CNTNAP2: variants seen among roughly 807,000 people sequenced by gnomAD.
CNTNAP2 encodes contactin-associated protein-like 2.
Under a neutral mutation model 155.2 loss-of-function variants are expected in CNTNAP2, and 98 were observed. The observed-to-expected ratio is 0.63, with a 90% CI of 0.54 to 0.75. The LOEUF (loss-of-function observed/expected upper bound fraction) is 0.75. Ranked by LOEUF, CNTNAP2 falls within the 30% of genes least tolerant of loss-of-function variation. The pLI is 0.00. For synonymous variants in CNTNAP2, 651 were observed against 631.2 expected (o/e 1.03, Z -0.47); for missense variants, 1,727 against 1,688.1 (o/e 1.02, Z -0.40).
chr7:147,933,306 A>G (rs1462640154), intron 14 of CNTNAP2, among the ~76,000 whole-genome samples: 1 of 152,172 alleles, frequency 6.6e-6, no homozygotes, highest in Non-Finnish European at 1.5e-5. Flanking sequence ...ATGATTTAAT[A>G]AGTCCACTTC....
At chr7:147,469,827 A>G (rs928040356) in intron 10 of CNTNAP2, among the ~76,000 whole-genome samples, 7 of 152,140 alleles carry the variant, frequency 4.6e-5, no homozygotes, top group East Asian at 1.9e-4. Flanking sequence ...CCAGGCTGCA[A>G]TTTTAAACAG....
chr7:146,362,679 G>T (rs1795098863), intron 1 of CNTNAP2, among the ~76,000 whole-genome samples: 1 of 151,612 alleles, frequency 6.6e-6, no homozygotes, highest in South Asian at 2.1e-4. Flanking sequence ...TCTATTCTAA[G>T]TCTAGTGGAG....
intron 7 of CNTNAP2, among the ~76,000 whole-genome samples, chr7:147,131,843 C>G (rs1176904503): frequency 6.6e-6 from 1 of 151,962 alleles, no homozygotes; most frequent in Non-Finnish European, 1.5e-5. Context: ...ATTGACCACC[C>G]AGAATAGGAC....
intron 1 of CNTNAP2, among the ~76,000 whole-genome samples, chr7:146,365,116 G>A (rs1795136935): frequency 6.6e-6 from 1 of 151,984 alleles, no homozygotes. Flanking sequence ...CAGAATTTTT[G>A]TTTGTTTTCT....
intron 18 of CNTNAP2, among the ~76,000 whole-genome samples, chr7:148,187,879 G>A (rs1795145067): frequency 6.6e-6 from 1 of 152,062 alleles, no homozygotes; most frequent in African/African-American, 2.4e-5. Flanking sequence ...TGCTTGAGCA[G>A]TCCCCTCTTT....
chr7:147,095,065 G>A (rs1235941649), intron 4 of CNTNAP2, among the ~76,000 whole-genome samples: 3 of 152,078 alleles, frequency 2.0e-5, no homozygotes, highest in African/African-American at 4.8e-5. Flanking sequence ...TGTCACCCAG[G>A]CTGGAGTGCA....
intron 9 of CNTNAP2, among the ~76,000 whole-genome samples, chr7:147,358,223 T>C (rs947299884): frequency 6.6e-6 from 1 of 152,170 alleles, no homozygotes; most frequent in African/African-American, 2.4e-5. Flanking sequence ...TACATACTTA[T>C]AAAAACTTTG....
chr7:147,906,844 A>C (rs953952970), intron 14 of CNTNAP2, among the ~76,000 whole-genome samples: 1 of 152,200 alleles, frequency 6.6e-6, no homozygotes, highest in African/African-American at 2.4e-5. Flanking sequence ...ATTAGAAGAC[A>C]TTCCATTCCA....
At chr7:146,963,784 G>A (rs147258521) in intron 3 of CNTNAP2, among the ~76,000 whole-genome samples, 2 of 152,132 alleles carry the variant, frequency 1.3e-5, no homozygotes, top group South Asian at 2.1e-4. Flanking sequence ...AGCAATTAAA[G>A]CATTGCTATC....
At chr7:147,253,613 A>G (rs1390581012) in intron 8 of CNTNAP2, among the ~76,000 whole-genome samples, 1 of 152,168 alleles carries the variant, frequency 6.6e-6, no homozygotes, top group Non-Finnish European at 1.5e-5. Flanking sequence ...GATAACTAGG[A>G]AATACAAAAC....
At chr7:147,299,194 G>A (rs1257854540) in intron 8 of CNTNAP2, among the ~76,000 whole-genome samples, 1 of 146,910 alleles carries the variant, frequency 6.8e-6, no homozygotes, top group African/African-American at 2.5e-5. Flanking sequence ...GGCCCTCTTG[G>A]TTTTCTCTGC....
At chr7:147,621,431 GA>G (rs1351389368) in intron 12 of CNTNAP2, among the ~76,000 whole-genome samples, 1 of 151,936 alleles carries the variant, frequency 6.6e-6, no homozygotes, top group Non-Finnish European at 1.5e-5. Flanking sequence ...AACAATTTTT[GA>G]AGACATAGAC....
At chr7:146,186,425 A>C (rs1798624856) in intron 1 of CNTNAP2, among the ~76,000 whole-genome samples, 1 of 152,322 alleles carries the variant, frequency 6.6e-6, no homozygotes, top group African/African-American at 2.4e-5. Flanking sequence ...ATATATGCTT[A>C]TTCAATTATA....
intron 1 of CNTNAP2, among the ~76,000 whole-genome samples, chr7:146,429,870 G>A (rs1392667813): frequency 6.6e-6 from 1 of 152,090 alleles, no homozygotes; most frequent in Non-Finnish European, 1.5e-5. Flanking sequence ...GTTATAGATG[G>A]CTCTTATTAT....
At chr7:146,622,816 G>T (rs1052572012) in intron 1 of CNTNAP2, among the ~76,000 whole-genome samples, 1 of 151,920 alleles carries the variant, frequency 6.6e-6, no homozygotes, top group Non-Finnish European at 1.5e-5. Flanking sequence ...AATTAGCCGG[G>T]CATGGTGGCC....
chr7:148,026,512 G>A (rs1287103821), intron 15 of CNTNAP2, among the ~76,000 whole-genome samples: 1 of 152,118 alleles, frequency 6.6e-6, no homozygotes, highest in Admixed American at 6.5e-5. Flanking sequence ...ATTCTGTGTA[G>A]GGGGAATAAA....
At chr7:146,735,315 G>T (rs1326342150) in intron 1 of CNTNAP2, among the ~76,000 whole-genome samples, 1 of 152,196 alleles carries the variant, frequency 6.6e-6, no homozygotes, top group African/African-American at 2.4e-5. Context: ...CACTTTGGGA[G>T]GCCGAGACGG....
chr7:148,150,096 T>C (rs1805267709), intron 17 of CNTNAP2, among the ~76,000 whole-genome samples: 1 of 113,558 alleles, frequency 8.8e-6, no homozygotes, highest in Non-Finnish European at 1.7e-5. Context: ...GTGAGAGGGG[T>C]TGTTACAAAA....
At position 148,420,746 on chromosome 7, in the gene CNTNAP2, T is replaced by C. The variant is rs1356643396; in HGVS notation, c.*5130T>C. The C allele has an allele frequency of 6.6e-6, 1 of 152,602 alleles. No individual in the cohort carries two copies. The highest frequency in any genetic ancestry group is 6.6e-5 in the Admixed American group (1 of 15,264). The allele number at this position is 152,602 out of a possible 1,614,324, so 9.5% of individuals were successfully genotyped here. On this transcript the variant is annotated 3_prime_UTR_variant, in exon 24 of 24. Coordinates refer to ENST00000361727, the MANE Select transcript of CNTNAP2 (RefSeq NM_014141.6). ...GTTTTTTAAATTTTTTCAGTGAGCG[T>C]GGTGACTGCAGAGGTTAGTGCTGTG... is the stretch of plus-strand genomic sequence containing the variant.
Sources: allele counts gnomAD v4.1 joint callset (sites outside exome capture counted in the v4.1 genomes callset), GRCh38; gene constraint gnomAD v4.1.1; transcripts MANE v1.5; gene names NCBI Gene and HGNC (gene_info 2026-07-23, HGNC 2026-07-21).